Variants in CNTN5 observed in about 807,000 individuals in gnomAD.
The protein encoded by CNTN5 is contactin-5.
In CNTN5, 77 loss-of-function variants were observed where a neutral mutation model predicts 129.1. That is an observed-to-expected ratio of 0.60 (90% CI 0.50 to 0.72). The LOEUF (loss-of-function observed/expected upper bound fraction) is 0.72. Ranked by LOEUF, CNTN5 falls within the 30% of genes least tolerant of loss-of-function variation. CNTN5 has a pLI of 0.00. For synonymous variants in CNTN5, 509 were observed against 465.6 expected (o/e 1.09, Z -1.20); for missense variants, 1,478 against 1,328.8 (o/e 1.11, Z -1.75).
intron 3 of CNTN5, among the ~76,000 whole-genome samples, chr11:99,814,982 A>G (rs753879199): frequency 6.6e-6 from 1 of 152,020 alleles, no homozygotes; most frequent in Admixed American, 6.6e-5. Flanking sequence ...CTTGACAAAC[A>G]CTTATAAAAC....
chr11:100,228,292 T>A (rs1949421087), intron 16 of CNTN5, among the ~76,000 whole-genome samples: 1 of 152,308 alleles, frequency 6.6e-6, no homozygotes, highest in African/African-American at 2.4e-5. Context: ...CTTCCTGAAT[T>A]ACAACTTACA....
chr11:99,283,726 A>G (rs1863803540), intron 1 of CNTN5, among the ~76,000 whole-genome samples: 1 of 152,094 alleles, frequency 6.6e-6, no homozygotes, highest in Non-Finnish European at 1.5e-5. Flanking sequence ...TGATCATATA[A>G]AAAAAAGAGT....
chr11:99,724,539 G>T (rs1396324093), intron 3 of CNTN5, among the ~76,000 whole-genome samples: 1 of 152,146 alleles, frequency 6.6e-6, no homozygotes, highest in Admixed American at 6.5e-5. Flanking sequence ...TCAAAATCCT[G>T]TGAGGACAGG....
At chr11:99,890,188 AAAC>A (rs562530730) in intron 6 of CNTN5, among the ~76,000 whole-genome samples, 265 of 152,332 alleles carry the variant, frequency 1.7e-3, no homozygotes, top group African/African-American at 5.6e-3. Flanking sequence ...AAGTTCTCAG[AAAC>A]AACAACAACA....
intron 13 of CNTN5, among the ~76,000 whole-genome samples, chr11:100,168,080 G>A (rs1591346853): frequency 1.3e-5 from 2 of 151,836 alleles, no homozygotes; most frequent in East Asian, 1.9e-4. Flanking sequence ...TTTGACAGAG[G>A]TGAGGAAGCT....
Position 100,060,709 on chromosome 11 carries a change from G to A in CNTN5, c.981-503G>A, listed in dbSNP as rs531109904. On this transcript the variant is annotated intron_variant, in intron 9 of 24. Transcript: ENST00000524871. ...GGCTGGAGTGCAGTGGCGCGATCTC[G>A]GCTCACTGCAACCTCCGCTTTCCGG... Among the ~76,000 whole-genome samples, 6 of 146,622 alleles carry A rather than the reference G, an allele frequency of 4.1e-5. No homozygotes were observed. The South Asian group carries it at 6.5e-4, about 16-fold the overall frequency.
chr11:99,828,989 T>C (rs1420100679), intron 4 of CNTN5, among the ~76,000 whole-genome samples: 1 of 152,136 alleles, frequency 6.6e-6, no homozygotes, highest in Non-Finnish European at 1.5e-5. Flanking sequence ...TTTATCATAG[T>C]AGTTAGATCA....
At chr11:99,732,418 AACTCAGTATAATAACTGAGT>A (rs150602804) in intron 3 of CNTN5, among the ~76,000 whole-genome samples, 14,674 of 151,662 alleles carry the variant, frequency 0.097, 862 homozygotes, top group Non-Finnish European at 0.13. Context: ...CTTGTATAAT[AACTCAGTATAATAACTGAGT>A]ACTCAGTATA....
chr11:99,196,352 T>C (rs1858901731), intron 1 of CNTN5, among the ~76,000 whole-genome samples: 1 of 151,986 alleles, frequency 6.6e-6, no homozygotes, highest in Non-Finnish European at 1.5e-5. Context: ...AATATTTGTA[T>C]AACTAAATCC....
At chr11:99,833,347 G>T (rs1947205267) in intron 4 of CNTN5, among the ~76,000 whole-genome samples, 1 of 152,050 alleles carries the variant, frequency 6.6e-6, no homozygotes, top group African/African-American at 2.4e-5. Flanking sequence ...GTTTGATTTA[G>T]AATTTTTTAA....
Position 99,292,861 on chromosome 11 carries a change from A to C in CNTN5, c.-209-32485A>C, listed in dbSNP as rs189055245. ...CCTTTGATGCCATCTACACACATTAAATGGACCAGCCACTTCTCTACATTG... is the reference window on the plus strand; with the variant it reads ...CCTTTGATGCCATCTACACACATTACATGGACCAGCCACTTCTCTACATTG... On this transcript the variant is annotated intron_variant, in intron 1 of 24. Transcript: ENST00000524871. Among the ~76,000 whole-genome samples the C allele has an allele frequency of 3.2e-3, 485 of 152,212 alleles. 2 individuals are homozygous for C. Among genetic ancestry groups the C allele is most frequent in the African/African-American group, 0.011 (464 of 41,544 alleles).
chr11:99,687,888 T>C (rs1279051067), intron 3 of CNTN5, among the ~76,000 whole-genome samples: 1 of 152,186 alleles, frequency 6.6e-6, no homozygotes, highest in Non-Finnish European at 1.5e-5. Flanking sequence ...ATATTCCCAG[T>C]CTTTTTTTGC....
chr11:99,425,738 A>G (rs1943092660), intron 2 of CNTN5, among the ~76,000 whole-genome samples: 1 of 152,208 alleles, frequency 6.6e-6, no homozygotes, highest in South Asian at 2.1e-4. Flanking sequence ...GTCTGCAGCC[A>G]TGGCTGGGTG....
At chr11:99,816,905 C>A (rs927118022) in intron 3 of CNTN5, among the ~76,000 whole-genome samples, 1 of 152,068 alleles carries the variant, frequency 6.6e-6, no homozygotes, top group African/African-American at 2.4e-5. Flanking sequence ...TCTTCCCTGT[C>A]TAGAGTATCT....
intron 2 of CNTN5, among the ~76,000 whole-genome samples, chr11:99,418,301 A>G (rs1222914401): frequency 6.6e-6 from 1 of 152,200 alleles, no homozygotes; most frequent in Non-Finnish European, 1.5e-5. Flanking sequence ...GGTATGAGTT[A>G]TTCTTACTCT....
chr11:99,188,598 A>C (rs1858473170), intron 1 of CNTN5, among the ~76,000 whole-genome samples: 1 of 151,824 alleles, frequency 6.6e-6, no homozygotes, highest in African/African-American at 2.4e-5. Flanking sequence ...ATATGAAAGG[A>C]ACACGATTTA....
At chr11:100,323,066 C>T (rs1209672158) in intron 21 of CNTN5, among the ~76,000 whole-genome samples, 2 of 152,226 alleles carry the variant, frequency 1.3e-5, no homozygotes, top group Admixed American at 6.5e-5. Context: ...TTAAAAATTG[C>T]CACCTCTCTG....
At chr11:99,261,727 TA>T (rs748515778) in intron 1 of CNTN5, among the ~76,000 whole-genome samples, 6 of 151,994 alleles carry the variant, frequency 3.9e-5, no homozygotes, top group Non-Finnish European at 8.8e-5. Flanking sequence ...TGAAGATAGG[TA>T]AGGTGATAGG....
intron 13 of CNTN5, among the ~76,000 whole-genome samples, chr11:100,129,728 G>T (rs1424577580): frequency 6.6e-6 from 1 of 152,040 alleles, no homozygotes; most frequent in Non-Finnish European, 1.5e-5. Context: ...GATTATCTTA[G>T]TGCCAAAGAA....
Sources: allele counts gnomAD v4.1 joint callset (sites outside exome capture counted in the v4.1 genomes callset), GRCh38; gene constraint gnomAD v4.1.1; transcripts MANE v1.5; gene names NCBI Gene and HGNC (gene_info 2026-07-23, HGNC 2026-07-21).